The following STARD9 variants were observed in gnomAD, a reference collection of about 807,000 sequenced individuals.
STARD9 encodes stAR-related lipid transfer protein 9.
A neutral mutation model predicts 399.8 loss-of-function variants in STARD9; 346 were observed. That is an observed-to-expected ratio of 0.87 (90% confidence interval 0.79 to 0.95). The LOEUF is 0.95. STARD9 is among the 40% of genes least tolerant of loss of function. STARD9 has a pLI of 0.00. For synonymous variants in STARD9, 2,203 were observed against 2,143.5 expected (o/e 1.03, Z -0.77); for missense variants, 5,832 against 5,667.5 (o/e 1.03, Z -0.93).
rs2060530758 is a variant in STARD9 at position 42,685,482 on chromosome 15, C to T, written c.3904C>T (p.His1302Tyr). ...CCAACCCCATTGTGAGCTCCAGCCC[C>T]ATTGTGAGCAGGCTGAATCACAGGT... ...ELQPHCELQP[H>Y]CEQAESQVEP... The change falls in exon 23 of 33, where the codon CAT (histidine) becomes TAT (tyrosine). Residue 1302 changes from histidine (H) to tyrosine (Y), a missense_variant. Physicochemically the swap from His to Tyr is moderately conservative, Grantham distance 83. Transcript: ENST00000290607. 1.3e-6 allele frequency: 2 copies of T among 1,537,068 alleles called. No homozygotes were observed. Among genetic ancestry groups the T allele is most frequent in the Admixed American group, 3.9e-5 (2 of 50,950 alleles).
chr15:42,693,843 C>T lies in STARD9; in HGVS notation c.12265C>T (p.Pro4089Ser), dbSNP rs1397365514. The change falls in exon 23 of 33, where the codon CCT becomes TCT. Residue 4089 changes from proline to serine, a missense_variant. This residue lies in a region of STARD9 where 5,828 missense variants were observed against 5,651.1 expected (regional missense o/e 1.03). Transcript: ENST00000290607. ...AGGCCTCCAGCACCTCAGCCCCTGC[C>T]CTGTCTCTGAGTTGACTGATACTGC... Reference protein sequence around the residue: ...WGGLQHLSPCPVSELTDTAGL... With the variant: ...WGGLQHLSPCSVSELTDTAGL... 2.0e-6 allele frequency: 3 copies of T among 1,536,788 alleles called. No homozygotes were observed. In the East Asian group the frequency reaches 7.3e-5, roughly 38 times the overall value.
At chr15:42,599,907 C>A (rs754411501) in intron 3 of STARD9, among the ~76,000 whole-genome samples, 4 of 152,096 alleles carry the variant, frequency 2.6e-5, no homozygotes, top group African/African-American at 4.8e-5. Context: ...GTGTTATAAT[C>A]GTACTTAGAG....
At chr15:42,631,024 A>G (rs2059322971) in intron 3 of STARD9, among the ~76,000 whole-genome samples, 1 of 148,870 alleles carries the variant, frequency 6.7e-6, no homozygotes, top group African/African-American at 2.5e-5. Context: ...GAGTCTTACT[A>G]TATTGCAAGA....
At chr15:42,662,701 G>A (rs1196257776) in intron 10 of STARD9, 93 bp from the exon 11 acceptor site, 10 of 774,792 alleles carry the variant, frequency 1.3e-5, no homozygotes, top group Non-Finnish European at 1.9e-5. Context: ...TTTACAGCAT[G>A]ATATACAGAA....
At chr15:42,599,982 G>A (rs2058589963) in intron 3 of STARD9, among the ~76,000 whole-genome samples, 1 of 152,204 alleles carries the variant, frequency 6.6e-6, no homozygotes, top group Non-Finnish European at 1.5e-5. Context: ...TTCAGGGAGG[G>A]TCATTTTGGT....
At chr15:42,653,278 C>T (rs916196707) in intron 9 of STARD9, among the ~76,000 whole-genome samples, 5 of 152,032 alleles carry the variant, frequency 3.3e-5, no homozygotes, top group Non-Finnish European at 7.3e-5. Context: ...AGTCATATCC[C>T]CAAAAAGCAA....
At chr15:42,659,700 A>G (rs994596933) in intron 9 of STARD9, among the ~76,000 whole-genome samples, 2 of 151,988 alleles carry the variant, frequency 1.3e-5, no homozygotes, top group East Asian at 3.9e-4. Flanking sequence ...TAATTTTTGT[A>G]TTTTTAGTAG....
In STARD9 at chr15:42,692,400, A is replaced by G. The variant is rs2140289896; in HGVS notation, c.10822A>G (p.Lys3608Glu). 3 of 1,537,036 alleles carry G rather than the reference A, an allele frequency of 2.0e-6. No homozygotes were observed. Among genetic ancestry groups the G allele is most frequent in the Non-Finnish European group, 2.6e-6 (3 of 1,146,908 alleles). Reference sequence around the variant, plus strand: ...TCTGAGGAGTAAGCCCCCCTTGGCCAAAGGAAGTGCTGCAGGTCCAGTGGA... The same window carrying G: ...TCTGAGGAGTAAGCCCCCCTTGGCCGAAGGAAGTGCTGCAGGTCCAGTGGA... Reference protein sequence around the residue: ...DCLRSKPPLAKGSAAGPVDEI... With the variant: ...DCLRSKPPLAEGSAAGPVDEI... The change falls in exon 23 of 33, where the codon AAA becomes GAA. Residue 3608 changes from lysine to glutamate, a missense_variant. Lys to Glu is a moderately conservative substitution (Grantham distance 56, BLOSUM62 1). Transcript: ENST00000290607.
chr15:42,670,974 C>G (rs1472406790), intron 16 of STARD9: 1 of 151,974 alleles, frequency 6.6e-6, no homozygotes, highest in African/African-American at 2.4e-5. Context: ...TAGAACTGAT[C>G]TGATATATGG....
intron 18 of STARD9, chr15:42,675,398 A>G (rs2060289211): frequency 2.0e-6 from 1 of 504,538 alleles, no homozygotes; most frequent in Non-Finnish European, 3.5e-6. Flanking sequence ...GACTGAGCTG[A>G]GATTCCTCCT....
intron 3 of STARD9, among the ~76,000 whole-genome samples, chr15:42,597,051 T>G (rs2058521099): frequency 6.6e-6 from 1 of 152,222 alleles, no homozygotes; most frequent in African/African-American, 2.4e-5. Context: ...ATTTTCCCTG[T>G]TTATACTTTT....
At chr15:42,584,739 C>G (rs1380548343) in intron 2 of STARD9, among the ~76,000 whole-genome samples, 2 of 152,176 alleles carry the variant, frequency 1.3e-5, no homozygotes, top group Non-Finnish European at 2.9e-5. Context: ...AATGTGGTGT[C>G]TAAATGGGGG....
chr15:42,599,970 A>C (rs1218228702), intron 3 of STARD9, among the ~76,000 whole-genome samples: 1 of 152,184 alleles, frequency 6.6e-6, no homozygotes, highest in Admixed American at 6.5e-5. Context: ...GTTTTGAATG[A>C]GTTCAGGGAG....
chr15:42,600,427 A>G (rs1196079179), intron 3 of STARD9, among the ~76,000 whole-genome samples: 3 of 152,108 alleles, frequency 2.0e-5, no homozygotes, highest in Non-Finnish European at 4.4e-5. Flanking sequence ...ACATTTATCT[A>G]TTATATGCCA....
intron 8 of STARD9, 139 bp from the exon 9 acceptor site, chr15:42,652,381 A>G (rs1274089576): frequency 1.4e-6 from 1 of 720,958 alleles, no homozygotes; most frequent in East Asian, 2.7e-5. Flanking sequence ...TCTCTTCACG[A>G]TACTGGACTA....
chr15:42,667,791 T>A (rs2060132047), intron 15 of STARD9, among the ~76,000 whole-genome samples: 2 of 152,220 alleles, frequency 1.3e-5, no homozygotes, highest in Admixed American at 1.3e-4. Context: ...CAGGTTAGAT[T>A]TAAATCCTAC....
In STARD9 at chr15:42,684,744, AC is replaced by A. The variant is rs1158124397; in HGVS notation, c.3168del (p.Lys1058SerfsTer11). ...RVLATRVRNI[T>X]KKSSHLPLGS... Reference sequence around the variant, plus strand: ...TCTGGCAACTAGGGTCAGAAATATTACCAAAAAGTCCTCTCACTTGCCTCTT... The same window carrying A: ...TCTGGCAACTAGGGTCAGAAATATTACAAAAAGTCCTCTCACTTGCCTCTT... On this transcript the variant is annotated frameshift_variant, in exon 23 of 33. Transcript: ENST00000290607. LOFTEE classifies it high-confidence loss of function. 1.3e-6 allele frequency: 2 copies of A among 1,537,234 alleles called. No individual in the cohort carries two copies. Among genetic ancestry groups the A allele is most frequent in the Non-Finnish European group, 1.7e-6 (2 of 1,146,922 alleles).
intron 1 of STARD9, among the ~76,000 whole-genome samples, chr15:42,577,542 C>G (rs1025168080): frequency 3.9e-5 from 6 of 152,124 alleles, no homozygotes; most frequent in African/African-American, 1.4e-4. Flanking sequence ...AATAACATAC[C>G]AAACAAAAGT....
chr15:42,583,037 A>G (rs1447527426), intron 1 of STARD9, among the ~76,000 whole-genome samples: 1 of 152,210 alleles, frequency 6.6e-6, no homozygotes, highest in Admixed American at 6.5e-5. Context: ...TTAGCAAGCT[A>G]TGTCAGGAGG....
Sources: gnomAD v4.1 joint callset for allele counts (sites outside exome capture counted in the v4.1 genomes callset) on GRCh38, gnomAD v4.1.1 for gene constraint, gnomAD v4.1.1 regional missense constraint, MANE v1.5 for transcripts, NCBI Gene and HGNC (gene_info 2026-07-23, HGNC 2026-07-21) for gene names.